SOSTDC1: variants seen among roughly 807,000 people sequenced by gnomAD.
SOSTDC1 encodes the protein sclerostin domain-containing protein 1.
A neutral mutation model predicts 15.1 loss-of-function variants in SOSTDC1; 7 were observed. The ratio of observed to expected loss-of-function variants is 0.46; its 90% CI spans 0.26 to 0.87. The LOEUF is 0.87. SOSTDC1 is among the 40% of genes least tolerant of loss of function. SOSTDC1 has a pLI of 0.15. For missense variants in SOSTDC1, 242 were observed against 259.2 expected (o/e 0.93, Z 0.46); for synonymous variants, 94 against 93.2 (o/e 1.01, Z -0.05).
At position 16,462,399 on chromosome 7, in the gene SOSTDC1, T is replaced by A; in HGVS notation, c.*149A>T. Reference sequence around the variant, plus strand: ...GAAAAACTATTCCCAAAGAAGGTCCTGATACTTAAGACAGCTTGCTGGGTT... The same window carrying A: ...GAAAAACTATTCCCAAAGAAGGTCCAGATACTTAAGACAGCTTGCTGGGTT... On this transcript the variant is annotated 3_prime_UTR_variant, in exon 2 of 2. Coordinates refer to ENST00000307068, the MANE Select transcript of SOSTDC1 (RefSeq NM_015464.3). The A allele has an allele frequency of 2.5e-6, 2 of 809,684 alleles. No homozygotes were observed. The highest frequency in any genetic ancestry group is 3.7e-5 in the South Asian group (2 of 53,590). 50.2% of individuals were successfully genotyped at this position (809,684 alleles called of 1,614,324 possible).
chr7:16,462,909 C>G lies in SOSTDC1; in HGVS notation c.260G>C (p.Gly87Ala). Residue 87 changes from glycine to alanine, a missense_variant, in exon 2 of 2, where the codon GGC (glycine) becomes GCC (alanine). Physicochemically the swap from Gly to Ala is moderately conservative, Grantham distance 60. Coordinates refer to ENST00000307068, the MANE Select transcript of SOSTDC1 (RefSeq NM_015464.3). ...CAGAGGGCTGATGCTGGTGCACTGG[C>G]CATCAGAGATGTATTTGGTGGAACG... Reference protein sequence around the residue: ...ELRSTKYISDGQCTSISPLKE... With the variant: ...ELRSTKYISDAQCTSISPLKE... 3 of 1,609,298 alleles carry G rather than the reference C, an allele frequency of 1.9e-6. No individual in the cohort carries two copies. The highest frequency in any genetic ancestry group is 2.2e-5 in the South Asian group (2 of 90,804).
chr7:16,464,133 A>G (rs1199285191), intron 1 of SOSTDC1, among the ~76,000 whole-genome samples: 1 of 152,240 alleles, frequency 6.6e-6, no homozygotes, highest in African/African-American at 2.4e-5. Flanking sequence ...GTTTCACTTC[A>G]TCTCTGTATG....
At chr7:16,464,301 C>T (rs566941685) in intron 1 of SOSTDC1, 3 of 1,542,258 alleles carry the variant, frequency 1.9e-6, no homozygotes. Flanking sequence ...GTGCCTGATT[C>T]TGCCTCCAGC....
chr7:16,464,027 AG>A (rs1388729173), intron 1 of SOSTDC1, among the ~76,000 whole-genome samples: 1 of 152,180 alleles, frequency 6.6e-6, no homozygotes, highest in Non-Finnish European at 1.5e-5. Flanking sequence ...TTAAAAGTAC[AG>A]GCTGCTGACA....
rs1245726350 is a variant in SOSTDC1 at position 16,462,059 on chromosome 7, G to A, written c.*489C>T. On this transcript the variant is annotated 3_prime_UTR_variant, in exon 2 of 2. Coordinates refer to ENST00000307068, the MANE Select transcript of SOSTDC1 (RefSeq NM_015464.3). ...CAGGGTCTTTCATTCTCTTTCAAAGGAAGATCACTCATGGCTGCTAAACTG... is the reference window on the plus strand; with the variant it reads ...CAGGGTCTTTCATTCTCTTTCAAAGAAAGATCACTCATGGCTGCTAAACTG... The A allele has an allele frequency of 6.5e-6, 1 of 154,978 alleles. No homozygotes were observed. The highest frequency in any genetic ancestry group is 2.4e-5 in the African/African-American group (1 of 41,436). The allele number at this position is 154,978 out of a possible 1,614,324, so 9.6% of individuals were successfully genotyped here.
rs1781213400 is a variant in SOSTDC1 at position 16,461,709 on chromosome 7, T to C, written c.*839A>G. ...CTATTGATAAAGTTCACCATGAACA[T>C]ATATGTAATAAGGAGACTAAAATAT... On this transcript the variant is annotated 3_prime_UTR_variant, in exon 2 of 2. Coordinates refer to ENST00000307068, the MANE Select transcript of SOSTDC1 (RefSeq NM_015464.3). The C allele has an allele frequency of 6.6e-6, 1 of 152,662 alleles. No homozygotes were observed. The highest frequency in any genetic ancestry group is 2.4e-5 in the African/African-American group (1 of 41,466). 9.5% of individuals were successfully genotyped at this position (152,662 alleles called of 1,614,324 possible).
In SOSTDC1 at chr7:16,464,274, T is replaced by C. The variant is rs1168153009; in HGVS notation, c.205+1190A>G. 3 of 1,385,290 alleles carry C rather than the reference T, an allele frequency of 2.2e-6. No individual in the cohort carries two copies. In the Admixed American group the frequency reaches 5.9e-5, roughly 27 times the overall value. The allele number at this position is 1,385,290 out of a possible 1,614,324, so 85.8% of individuals were successfully genotyped here. On this transcript the variant is annotated intron_variant, in intron 1 of 1. Coordinates refer to ENST00000307068, the MANE Select transcript of SOSTDC1 (RefSeq NM_015464.3). Reference sequence around the variant, plus strand: ...AAATGTAAAGCGTAAATTGTTTGGTTGGACAGTGTGCTCAGCGTGCCTGAT... The same window carrying C: ...AAATGTAAAGCGTAAATTGTTTGGTCGGACAGTGTGCTCAGCGTGCCTGAT...
intron 1 of SOSTDC1, among the ~76,000 whole-genome samples, chr7:16,465,170 C>T (rs1455800349): frequency 6.6e-6 from 1 of 152,088 alleles, no homozygotes; most frequent in African/African-American, 2.4e-5. Context: ...TTAAAATGGT[C>T]ATTTTGCATG....
rs748143306 is a variant in SOSTDC1, at chr7:16,465,701, G to C, written c.-33C>G. ...AGAGGATTTGCTTGACTGAAGAGCT[G>C]GTTAATTCTTTTGCTTCTGCTTCTG... is the stretch of plus-strand genomic sequence containing the variant. On this transcript the variant is annotated 5_prime_UTR_variant, in exon 1 of 2. Transcript: ENST00000307068. 6.3e-7 allele frequency: 1 copy of C among 1,593,630 alleles called. No individual in the cohort carries two copies. Among genetic ancestry groups the C allele is most frequent in the South Asian group, 1.1e-5 (1 of 90,400 alleles).
chr7:16,464,471 A>T, intron 1 of SOSTDC1: 5 of 934,524 alleles, frequency 5.4e-6, no homozygotes, highest in Non-Finnish European at 6.7e-6. Flanking sequence ...ATCTAATAAT[A>T]ATCAGATATG....
chr7:16,465,627 T>A lies in SOSTDC1; in HGVS notation c.42A>T (p.Ala14=), dbSNP rs1781291877. 1 of 1,614,128 alleles carries A rather than the reference T, an allele frequency of 6.2e-7. No individual in the cohort carries two copies. The highest frequency in any genetic ancestry group is 1.3e-5 in the African/African-American group (1 of 75,048). ...CCAAACAGCTTTTCATTAGGATGCA[T>A]GCAAGGGGAAGGAGATAGAAATGAA... is the stretch of plus-strand genomic sequence containing the variant. ...PAIHFYLLPL[A]CILMKSCLAF... The change falls in exon 1 of 2, where the codon GCA becomes GCT. Residue 14 remains alanine, a synonymous_variant. Transcript: ENST00000307068.
At chr7:16,464,422 C>T in intron 1 of SOSTDC1, 1 of 1,437,892 alleles carries the variant, frequency 7.0e-7, no homozygotes, top group Non-Finnish European at 9.6e-7. Flanking sequence ...TTTGCAGTGA[C>T]AGTTCATTGA....
chr7:16,462,679 T>C lies in SOSTDC1; in HGVS notation c.490A>G (p.Lys164Glu). 2 of 1,614,224 alleles carry C rather than the reference T, an allele frequency of 1.2e-6. No homozygotes were observed. Among genetic ancestry groups the C allele is most frequent in the Non-Finnish European group, 1.7e-6 (2 of 1,180,036 alleles). Reference sequence around the variant, plus strand: ...TGCTGCCGGGTGTACCTCTTGCACTTGCAGGCAGTGACTACTGTGATTTTG... The same window carrying C: ...TGCTGCCGGGTGTACCTCTTGCACTCGCAGGCAGTGACTACTGTGATTTTG... Reference protein sequence around the residue: ...TYKITVVTACKCKRYTRQHNE... With the variant: ...TYKITVVTACECKRYTRQHNE... The change falls in exon 2 of 2, where the codon AAG becomes GAG. Residue 164 changes from lysine to glutamate, a missense_variant. Transcript: ENST00000307068.
At chr7:16,463,195 C>T (rs1464676040) in intron 1 of SOSTDC1, among the ~76,000 whole-genome samples, 5 of 151,968 alleles carry the variant, frequency 3.3e-5, no homozygotes, top group Non-Finnish European at 5.9e-5. Context: ...AAAATGTAGG[C>T]CTGATTGTTT....
At chr7:16,462,987 GCAT>G (rs1781237554) in intron 1 of SOSTDC1, 24 bp from the exon 2 acceptor site, 3 of 1,514,778 alleles carry the variant, frequency 2.0e-6, no homozygotes, top group African/African-American at 2.8e-5. Flanking sequence ...AAAAGAATGT[GCAT>G]CAGAGAAAAA....
chr7:16,461,972 G>A lies in SOSTDC1; in HGVS notation c.*576C>T, dbSNP rs1167244269. 6.6e-6 allele frequency: 1 copy of A among 152,654 alleles called. No homozygotes were observed. The highest frequency in any genetic ancestry group is 1.5e-5 in the Non-Finnish European group (1 of 68,106). 9.5% of individuals were successfully genotyped at this position (152,654 alleles called of 1,614,324 possible). ...TTCCAAGCGAGGGTCAGCATGCAGG[G>A]TATAATTTCATACTATGCGACCGTA... On this transcript the variant is annotated 3_prime_UTR_variant, in exon 2 of 2. Transcript: ENST00000307068.
In SOSTDC1 at chr7:16,462,923, T is replaced by C; in HGVS notation, c.246A>G (p.Lys82=). 1 of 1,597,286 alleles carries C rather than the reference T, an allele frequency of 6.3e-7. No individual in the cohort carries two copies. The highest frequency in any genetic ancestry group is 8.6e-7 in the Non-Finnish European group (1 of 1,167,848). ...TGGTGCACTGGCCATCAGAGATGTA[T>C]TTGGTGGAACGCAGTTCCCGGCAAC... ...QVGCRELRST[K]YISDGQCTSI... The change falls in exon 2 of 2, where the codon AAA becomes AAG. Residue 82 remains lysine (K), a synonymous_variant. Transcript: ENST00000307068.
intron 1 of SOSTDC1, among the ~76,000 whole-genome samples, chr7:16,464,025 A>G (rs2128327364): frequency 6.6e-6 from 1 of 152,300 alleles, no homozygotes; most frequent in Middle Eastern, 3.4e-3. Flanking sequence ...GTTTAAAAGT[A>G]CAGGCTGCTG....
At chr7:16,463,480 T>C (rs958962838) in intron 1 of SOSTDC1, among the ~76,000 whole-genome samples, 5 of 152,210 alleles carry the variant, frequency 3.3e-5, no homozygotes, top group Non-Finnish European at 7.3e-5. Context: ...TAATATTTTA[T>C]TTCAATTATA....
Sources: gnomAD v4.1 joint callset for allele counts (sites outside exome capture counted in the v4.1 genomes callset) on GRCh38, gnomAD v4.1.1 for gene constraint, MANE v1.5 for transcripts, NCBI Gene and HGNC (gene_info 2026-07-23, HGNC 2026-07-21) for gene names.